UBXN4: variants seen among roughly 807,000 people sequenced by gnomAD.
UBXN4 encodes UBX domain-containing protein 4.
A neutral mutation model predicts 66.2 loss-of-function variants in UBXN4; 35 were observed. The ratio of observed to expected loss-of-function variants is 0.53; its 90% confidence interval spans 0.40 to 0.70. The LOEUF (loss-of-function observed/expected upper bound fraction) is 0.70. Among genes scored for constraint, UBXN4 ranks in the 30% least tolerant of loss-of-function variants. The probability of loss-of-function intolerance (pLI) is 0.00; values close to 1 mark genes in which losing one functional copy is unlikely to be tolerated. For missense variants in UBXN4, 533 were observed against 599.8 expected (o/e 0.89, Z 1.16); for synonymous variants, 203 against 204.5 (o/e 0.99, Z 0.06).
intron 1 of UBXN4, among the ~76,000 whole-genome samples, chr2:135,742,996 G>A (rs1257186202): frequency 1.3e-5 from 2 of 152,144 alleles, no homozygotes; most frequent in African/African-American, 4.8e-5. Flanking sequence ...TAGATTTACA[G>A]TGAACTCCCT....
intron 7 of UBXN4, 141 bp downstream of exon 7, chr2:135,769,964 C>A: frequency 1.8e-6 from 1 of 566,808 alleles, no homozygotes; most frequent in East Asian, 3.2e-5. Flanking sequence ...TTCCTGTTTT[C>A]TCTAGTAGAG....
In UBXN4 at chr2:135,783,866, C is replaced by T. The variant is rs185935870; in HGVS notation, c.*979C>T. On this transcript the variant is annotated 3_prime_UTR_variant, in exon 13 of 13. Coordinates refer to ENST00000272638, the MANE Select transcript of UBXN4 (RefSeq NM_014607.4). ...AATCTGACTTACATGTTACTTTATC[C>T]GTATGTCTTTGTTAGTGGAGACCGC... 1.3e-5 allele frequency: 2 copies of T among 152,190 alleles called. No homozygotes were observed. Among genetic ancestry groups the T allele is most frequent in the African/African-American group, 4.8e-5 (2 of 41,522 alleles). The allele number at this position is 152,190 out of a possible 1,614,324, so 9.4% of individuals were successfully genotyped here.
Position 135,758,014 on chromosome 2 carries a change from A to G in UBXN4, c.508+2323A>G, listed in dbSNP as rs114505200. The stretch of plus-strand genomic sequence containing the variant: ...TAATCTCCAACTCCTGGCCCACGTG[A>G]TCTCCTGCTTCAGCCACCTGAGTAG... On this transcript the variant is annotated intron_variant, in intron 5 of 12. Transcript: ENST00000272638. 9.8e-3 allele frequency among the ~76,000 whole-genome samples: 1,490 copies of G among 151,724 alleles called. 20 individuals carry two copies. The highest frequency in any genetic ancestry group is 0.032 in the African/African-American group (1,337 of 41,334).
chr2:135,771,471 C>G (rs2077383083), intron 8 of UBXN4, among the ~76,000 whole-genome samples: 1 of 152,028 alleles, frequency 6.6e-6, no homozygotes, highest in Admixed American at 6.5e-5. Context: ...AAGCGAAACT[C>G]CATCTCAAAA....
Position 135,760,501 on chromosome 2 carries a change from CTG to C in UBXN4, c.509-1314_509-1313del, listed in dbSNP as rs527837394. On this transcript the variant is annotated intron_variant, in intron 5 of 12. Transcript: ENST00000272638. ...TATGAAATACCAAAGGCAGAGAACT[CTG>C]TGACATACAATTGGAAATCTTCCTC... 7.6e-4 allele frequency among the ~76,000 whole-genome samples: 116 copies of C among 152,274 alleles called. 2 individuals are homozygous for C. Among genetic ancestry groups the C allele is most frequent in the African/African-American group, 2.7e-3 (111 of 41,544 alleles).
In UBXN4 at chr2:135,742,000, T is replaced by TGTTCGTGGC; in HGVS notation, c.72_80dup (p.Phe25_Ala27dup). ...AAAAGGAGCGGCGCGGTCTTCGTGGTGTTCGTGGCAGGTGAAGGAGGCAGG... is the reference window on the plus strand; with the variant it reads ...AAAAGGAGCGGCGCGGTCTTCGTGGTGTTCGTGGCGTTCGTGGCAGGTGAAGGAGGCAGG... On this transcript the variant is annotated inframe_insertion, in exon 1 of 13. Coordinates refer to ENST00000272638, the MANE Select transcript of UBXN4 (RefSeq NM_014607.4). 1 of 1,613,322 alleles carries TGTTCGTGGC rather than the reference T, an allele frequency of 6.2e-7. No homozygotes were observed. The highest frequency in any genetic ancestry group is 8.5e-7 in the Non-Finnish European group (1 of 1,179,642).
chr2:135,754,208 T>C lies in UBXN4; in HGVS notation c.264T>C (p.Ile88=), dbSNP rs1045724561. The change falls in exon 4 of 13, where the codon ATT becomes ATC. Residue 88 remains isoleucine, a synonymous_variant. Transcript: ENST00000272638. ...PSSFFIGDSG[I]PLEVIAGSVS... is the part of the protein sequence containing the mutation. ...GTTTCTTTATTGGAGACAGTGGAAT[T>C]CCCTTGGAAGTAATAGCAGGAAGTG... The C allele has an allele frequency of 2.5e-6, 4 of 1,614,090 alleles. No homozygotes were observed. The highest frequency in any genetic ancestry group is 3.4e-6 in the Non-Finnish European group (4 of 1,180,024).
At chr2:135,753,439 G>A (rs1038746633) in intron 2 of UBXN4, 100 bp from the exon 3 acceptor site, 1 of 1,034,050 alleles carries the variant, frequency 9.7e-7, no homozygotes, top group African/African-American at 1.7e-5. Context: ...GTAGTTGCAG[G>A]AAAATACTTG....
chr2:135,742,238 C>T (rs2077179324), intron 1 of UBXN4, among the ~76,000 whole-genome samples: 1 of 152,200 alleles, frequency 6.6e-6, no homozygotes, highest in Non-Finnish European at 1.5e-5. Context: ...GCCCCGGGCG[C>T]CCCCAGCCTT....
rs918611778 is a variant in UBXN4, at chr2:135,753,723, GTTA to G, written c.214+161_214+163del. The G allele has an allele frequency of 2.1e-5, 13 of 606,046 alleles. No individual in the cohort carries two copies. In the East Asian group the frequency reaches 2.9e-4, roughly 14 times the overall value. 37.5% of individuals were successfully genotyped at this position (606,046 alleles called of 1,614,324 possible). A position where few individuals can be genotyped will look rare whatever the true frequency, so the allele number is the denominator to read the frequency against. ...CTAAGTGTCCTCATTTAAAAAAAAT[GTTA>G]TTATAGGAAATTTCAAACATATATA... On this transcript the variant is annotated intron_variant, in intron 3 of 12. Coordinates refer to ENST00000272638, the MANE Select transcript of UBXN4 (RefSeq NM_014607.4).
intron 1 of UBXN4, chr2:135,747,524 C>G (rs1026326949): frequency 9.4e-6 from 4 of 426,064 alleles, no homozygotes; most frequent in African/African-American, 8.2e-5. Context: ...AAATTGCAAA[C>G]AGAATTGTAC....
intron 5 of UBXN4, among the ~76,000 whole-genome samples, chr2:135,756,335 G>A (rs1394063835): frequency 6.6e-6 from 1 of 152,116 alleles, no homozygotes; most frequent in Non-Finnish European, 1.5e-5. Context: ...TAATCATCAA[G>A]CTTCTATTTG....
At chr2:135,762,725 A>G (rs1343474139) in intron 6 of UBXN4, among the ~76,000 whole-genome samples, 1 of 152,024 alleles carries the variant, frequency 6.6e-6, no homozygotes, top group African/African-American at 2.4e-5. Context: ...TTGAGGTGAA[A>G]AGCAGGCTGG....
intron 6 of UBXN4, among the ~76,000 whole-genome samples, chr2:135,763,044 T>C (rs1342447801): frequency 6.6e-6 from 1 of 152,232 alleles, no homozygotes; most frequent in Non-Finnish European, 1.5e-5. Context: ...TGTCAGCTAG[T>C]GTCTGCCTGT....
chr2:135,753,714 A>T (rs1399522028), intron 3 of UBXN4, 147 bp downstream of exon 3: 3 of 657,458 alleles, frequency 4.6e-6, no homozygotes, highest in Admixed American at 4.3e-5. Context: ...GTCCTCATTT[A>T]AAAAAAATGT....
At chr2:135,745,309 C>G (rs1372258883) in intron 1 of UBXN4, among the ~76,000 whole-genome samples, 2 of 152,218 alleles carry the variant, frequency 1.3e-5, no homozygotes, top group African/African-American at 4.8e-5. Flanking sequence ...GTGAACTCTT[C>G]TGGCTGTTGG....
intron 5 of UBXN4, among the ~76,000 whole-genome samples, chr2:135,758,776 T>G (rs80320397): frequency 6.6e-6 from 1 of 152,152 alleles, no homozygotes; most frequent in Non-Finnish European, 1.5e-5. Flanking sequence ...TTTTTTTTTT[T>G]GAGACAGAGT....
At chr2:135,763,080 C>T (rs559186891) in intron 6 of UBXN4, among the ~76,000 whole-genome samples, 2 of 152,300 alleles carry the variant, frequency 1.3e-5, no homozygotes, top group East Asian at 3.9e-4. Flanking sequence ...AATTCACAAG[C>T]TGAGATCCTG....
intron 8 of UBXN4, among the ~76,000 whole-genome samples, chr2:135,771,698 GGTTACAGGT>G (rs911010856): frequency 2.6e-5 from 4 of 152,178 alleles, no homozygotes; most frequent in African/African-American, 9.7e-5. Context: ...AAGTAGCTGA[GGTTACAGGT>G]GCATGCCAAC....
Sources: gnomAD v4.1 joint callset for allele counts (sites outside exome capture counted in the v4.1 genomes callset) on GRCh38, gnomAD v4.1.1 for gene constraint, MANE v1.5 for transcripts, NCBI Gene and HGNC (gene_info 2026-07-23, HGNC 2026-07-21) for gene names.